The following CSMD1 variants were observed in gnomAD, a reference collection of about 807,000 sequenced individuals.
CSMD1 encodes the protein CUB and Sushi multiple domains 1.
Under a neutral mutation model 417.5 loss-of-function variants are expected in CSMD1, and 213 were observed. The ratio of observed to expected loss-of-function variants is 0.51; its 90% CI spans 0.46 to 0.57. The LOEUF (loss-of-function observed/expected upper bound fraction) is 0.57, where lower values mean the gene tolerates loss of function less well. CSMD1 is among the 20% of genes least tolerant of loss of function. The pLI is 0.00. For missense variants in CSMD1, 6,923 were observed against 4,529.7 expected (o/e 1.53, Z -15.17); for synonymous variants, 2,862 against 1,736.8 (o/e 1.65, Z -16.11).
intron 5 of CSMD1, among the ~76,000 whole-genome samples, chr8:3,796,502 GATATAT>G (rs1254337995): frequency 1.4e-5 from 2 of 139,634 alleles, no homozygotes; most frequent in Admixed American, 1.5e-4. Flanking sequence ...TATAGATATA[GATATAT>G]ATATCTATAT....
chr8:3,758,814 C>G (rs1187052025), intron 5 of CSMD1, among the ~76,000 whole-genome samples: 1 of 152,098 alleles, frequency 6.6e-6, no homozygotes, highest in Non-Finnish European at 1.5e-5. Flanking sequence ...GAACAATGCG[C>G]TTACTGAGCT....
intron 3 of CSMD1, among the ~76,000 whole-genome samples, chr8:4,278,068 C>A (rs1050383681): frequency 6.6e-6 from 1 of 152,144 alleles, no homozygotes; most frequent in African/African-American, 2.4e-5. Flanking sequence ...ACTTTAAATA[C>A]AATAATTAAA....
At chr8:3,258,679 A>G (rs1016741856) in intron 26 of CSMD1, among the ~76,000 whole-genome samples, 1 of 152,224 alleles carries the variant, frequency 6.6e-6, no homozygotes, top group African/African-American at 2.4e-5. Flanking sequence ...CAGCAAAGCC[A>G]TGGAAGCAAC....
chr8:3,836,179 G>T lies in CSMD1; in HGVS notation c.819-82137C>A, dbSNP rs548241265. ...ATATTCATTGTCTCAGTTTATTATA[G>T]ATTTTTCCACTTGTTTATTTTGATC... On this transcript the variant is annotated intron_variant, in intron 5 of 69. Coordinates refer to ENST00000635120, the MANE Select transcript of CSMD1 (RefSeq NM_033225.6). Among the ~76,000 whole-genome samples, 90 of 152,002 alleles carry T rather than the reference G, an allele frequency of 5.9e-4. 1 individual carries two copies. The highest frequency in any genetic ancestry group is 2.0e-3 in the African/African-American group (85 of 41,466).
intron 5 of CSMD1, among the ~76,000 whole-genome samples, chr8:3,962,376 G>T (rs1418507553): frequency 6.6e-6 from 1 of 152,184 alleles, no homozygotes; most frequent in Non-Finnish European, 1.5e-5. Flanking sequence ...GAGTCAGGCA[G>T]CACGGGCGTT....
At chr8:4,327,073 A>G (rs1563058749) in intron 3 of CSMD1, among the ~76,000 whole-genome samples, 1 of 152,124 alleles carries the variant, frequency 6.6e-6, no homozygotes, top group Admixed American at 6.6e-5. Flanking sequence ...CAAATAAGAG[A>G]TGAGGTTGTA....
chr8:3,989,253 C>G (rs988566000), intron 5 of CSMD1, among the ~76,000 whole-genome samples: 2 of 152,202 alleles, frequency 1.3e-5, no homozygotes, highest in Non-Finnish European at 2.9e-5. Context: ...CCAGAGCAAA[C>G]CTGCTCTACG....
intron 5 of CSMD1, among the ~76,000 whole-genome samples, chr8:3,956,604 T>A (rs1490777214): frequency 1.3e-5 from 2 of 152,228 alleles, no homozygotes; most frequent in African/African-American, 4.8e-5. Flanking sequence ...TACATAATCA[T>A]TAAATTCTGA....
At chr8:4,440,457 G>C (rs1002880934) in intron 2 of CSMD1, among the ~76,000 whole-genome samples, 49 of 152,000 alleles carry the variant, frequency 3.2e-4, no homozygotes, top group African/African-American at 1.2e-3. Context: ...TGTTCATCTT[G>C]TTACTCACAA....
chr8:4,329,601 T>A (rs1327959165), intron 3 of CSMD1, among the ~76,000 whole-genome samples: 3 of 152,108 alleles, frequency 2.0e-5, no homozygotes, highest in Non-Finnish European at 2.9e-5. Flanking sequence ...AAATACTTAT[T>A]TTTCTTTATT....
intron 10 of CSMD1, among the ~76,000 whole-genome samples, chr8:3,549,639 G>C (rs745744678): frequency 1.3e-5 from 2 of 152,178 alleles, no homozygotes; most frequent in Non-Finnish European, 2.9e-5. Flanking sequence ...ACCTCAGCTA[G>C]CATGATGGGA....
chr8:4,681,937 G>T (rs1325026600), intron 1 of CSMD1, among the ~76,000 whole-genome samples: 1 of 152,104 alleles, frequency 6.6e-6, no homozygotes, highest in South Asian at 2.1e-4. Context: ...AGGAAGTGTT[G>T]ATTTATTTTC....
rs34846347 is a variant in CSMD1, at chr8:3,892,534, A to AAATAATAAT, written c.818+105360_818+105368dup. Among the ~76,000 whole-genome samples the AAATAATAAT allele has an allele frequency of 1.1e-3, 164 of 148,048 alleles. 1 individual carries two copies. The highest frequency in any genetic ancestry group is 1.5e-3 in the African/African-American group (58 of 39,844). ...ATCCTATGTTAGAGGAATTTTGCAAAAATAATAATAATAATAATAATAATA... is the reference window on the plus strand; with the variant it reads ...ATCCTATGTTAGAGGAATTTTGCAAAAATAATAATAATAATAATAATAATAATAATAATA... On this transcript the variant is annotated intron_variant, in intron 5 of 69. Coordinates refer to ENST00000635120, the MANE Select transcript of CSMD1 (RefSeq NM_033225.6).
rs193110581 is a variant in CSMD1 at position 4,177,757 on chromosome 8, G to A, written c.416-145658C>T. 5.5e-3 allele frequency among the ~76,000 whole-genome samples: 827 copies of A among 151,408 alleles called. 5 individuals are homozygous for A. Among genetic ancestry groups the A allele is most frequent in the African/African-American group, 0.019 (790 of 41,094 alleles). ...AAATGATAAAGGGGATATCACCACCGATCCCACTGAAATACAAACTGCCAT... is the reference window on the plus strand; with the variant it reads ...AAATGATAAAGGGGATATCACCACCAATCCCACTGAAATACAAACTGCCAT... On this transcript the variant is annotated intron_variant, in intron 3 of 69. Transcript: ENST00000635120.
At chr8:4,152,783 C>G (rs1277231194) in intron 3 of CSMD1, among the ~76,000 whole-genome samples, 2 of 151,974 alleles carry the variant, frequency 1.3e-5, no homozygotes, top group African/African-American at 2.4e-5. Context: ...TATATGCATG[C>G]ATTTTTATGG....
intron 11 of CSMD1, among the ~76,000 whole-genome samples, chr8:3,487,161 C>T (rs1055757061): frequency 6.6e-6 from 1 of 152,062 alleles, no homozygotes; most frequent in African/African-American, 2.4e-5. Flanking sequence ...CTGGGCCGCT[C>T]TCTTCAGACA....
At chr8:3,809,698 G>A (rs192075305) in intron 5 of CSMD1, among the ~76,000 whole-genome samples, 3 of 152,124 alleles carry the variant, frequency 2.0e-5, no homozygotes, top group African/African-American at 7.2e-5. Context: ...CACACTTCCA[G>A]AGACACTGCC....
chr8:4,986,364 G>C (rs2117455198), intron 1 of CSMD1, among the ~76,000 whole-genome samples: 1 of 152,292 alleles, frequency 6.6e-6, no homozygotes, highest in South Asian at 2.1e-4. Flanking sequence ...TTACTCATTT[G>C]TTAGAGATCA....
chr8:4,438,118 G>A (rs913322652), intron 2 of CSMD1, among the ~76,000 whole-genome samples: 15 of 152,186 alleles, frequency 9.9e-5, no homozygotes, highest in African/African-American at 2.4e-4. Flanking sequence ...AGCACACTAC[G>A]CTGCACTCAG....
Sources: allele counts gnomAD v4.1 joint callset (sites outside exome capture counted in the v4.1 genomes callset), GRCh38; gene constraint gnomAD v4.1.1; transcripts MANE v1.5; gene names NCBI Gene and HGNC (gene_info 2026-07-23, HGNC 2026-07-21).